The following ACRV1 variants were observed in gnomAD, a reference collection of about 807,000 sequenced individuals.
The protein encoded by ACRV1 is acrosomal protein SP-10.
ACRV1 carries 17 observed loss-of-function variants against 29.2 expected under a neutral mutation model. The ratio of observed to expected loss-of-function variants is 0.58; its 90% CI spans 0.40 to 0.87. The LOEUF (loss-of-function observed/expected upper bound fraction) is 0.87. ACRV1 is among the 40% of genes least tolerant of loss of function. The probability of loss-of-function intolerance (pLI) is 0.00; values close to 1 mark genes in which losing one functional copy is unlikely to be tolerated. For missense variants in ACRV1, 294 were observed against 316.0 expected, an observed-to-expected ratio of 0.93 and a Z score of 0.53; for synonymous variants, 98 against 111.6, an observed-to-expected ratio of 0.88 and a Z score of 0.77.
rs891659524 is a variant in ACRV1, at chr11:125,677,845, C to T, written c.505G>A (p.Ala169Thr). Residue 169 changes from alanine (A) to threonine (T), a missense_variant, in exon 2 of 4, where the codon GCT (alanine) becomes ACT (threonine). By Grantham distance (58) the Ala-to-Thr change is moderately conservative. Coordinates refer to ENST00000533904, the MANE Select transcript of ACRV1 (RefSeq NM_001612.6). ...ASGEQPSGEH[A>T]SGEQASGAPI... ...GCACCTGAAGCCTGTTCCCCTGAAGCGTGCTCACCTGAAGGCTGTTCACCC... is the reference window on the plus strand; with the variant it reads ...GCACCTGAAGCCTGTTCCCCTGAAGTGTGCTCACCTGAAGGCTGTTCACCC... 14 of 1,614,116 alleles carry T rather than the reference C, an allele frequency of 8.7e-6. No individual in the cohort carries two copies. The highest frequency in any genetic ancestry group is 1.2e-5 in the Non-Finnish European group (14 of 1,180,006).
rs1486476856 is a variant in ACRV1, at chr11:125,671,790, C to T, written c.*803G>A. ...TATTTGCAAAAAAGGATGATGCCATCTTTCCTGTCTACCACTCTGGGATCT... is the reference window on the plus strand; with the variant it reads ...TATTTGCAAAAAAGGATGATGCCATTTTTCCTGTCTACCACTCTGGGATCT... On this transcript the variant is annotated 3_prime_UTR_variant, in exon 4 of 4. Coordinates refer to ENST00000533904, the MANE Select transcript of ACRV1 (RefSeq NM_001612.6). 1 of 152,180 alleles carries T rather than the reference C, an allele frequency of 6.6e-6. No individual in the cohort carries two copies. The highest frequency in any genetic ancestry group is 2.4e-5 in the African/African-American group (1 of 41,448). The allele number at this position is 152,180 out of a possible 1,614,324, so 9.4% of individuals were successfully genotyped here.
At chr11:125,678,682 A>G (rs1261854827) in intron 1 of ACRV1, among the ~76,000 whole-genome samples, 6 of 151,910 alleles carry the variant, frequency 3.9e-5, no homozygotes, top group Non-Finnish European at 1.5e-5. Flanking sequence ...TTCGCCACCA[A>G]CCCTCCCATT....
chr11:125,676,255 A>G lies in ACRV1; in HGVS notation c.673+104T>C, dbSNP rs901425934. Reference sequence around the variant, plus strand: ...GAAAAAATAAAGTTCTGAATCTTCAAGTTCCTTGATTCTTTCCTGGGCCCC... The same window carrying G: ...GAAAAAATAAAGTTCTGAATCTTCAGGTTCCTTGATTCTTTCCTGGGCCCC... On this transcript the variant is annotated intron_variant, in intron 3 of 3. Coordinates refer to ENST00000533904, the MANE Select transcript of ACRV1 (RefSeq NM_001612.6). 3.5e-6 allele frequency: 5 copies of G among 1,408,778 alleles called. No individual in the cohort carries two copies. The African/African-American group carries it at 5.7e-5, about 16-fold the overall frequency. The allele number at this position is 1,408,778 out of a possible 1,614,324, so 87.3% of individuals were successfully genotyped here. A position where few individuals can be genotyped will look rare whatever the true frequency, so the allele number is the denominator to read the frequency against.
chr11:125,678,036 TC>T lies in ACRV1; in HGVS notation c.313del (p.Glu105LysfsTer6). 1.2e-6 allele frequency: 2 copies of T among 1,614,096 alleles called. No individual in the cohort carries two copies. Among genetic ancestry groups the T allele is most frequent in the Non-Finnish European group, 1.7e-6 (2 of 1,180,008 alleles). On this transcript the variant is annotated frameshift_variant, in exon 2 of 4. Coordinates refer to ENST00000533904, the MANE Select transcript of ACRV1 (RefSeq NM_001612.6). LOFTEE classifies it high-confidence loss of function. ...CTGCTCACCTACAGTATGCTCACCTTCAGCATGTTCAGTCGCAGCGGGCTCA... is the reference window on the plus strand; with the variant it reads ...CTGCTCACCTACAGTATGCTCACCTTAGCATGTTCAGTCGCAGCGGGCTCA... ...SGEPAATEHA[E>X]GEHTVGEQPS...
chr11:125,679,075 A>C (rs1942669101), intron 1 of ACRV1, among the ~76,000 whole-genome samples: 1 of 147,902 alleles, frequency 6.8e-6, no homozygotes, highest in African/African-American at 2.5e-5. Flanking sequence ...CTGAGTACTT[A>C]ATAAGATAAA....
rs755564336 is a variant in ACRV1 at position 125,680,798 on chromosome 11, G to GGGGA, written c.-22_-19dup. The GGGGA allele has an allele frequency of 3.1e-6, 5 of 1,611,808 alleles. No homozygotes were observed. The highest frequency in any genetic ancestry group is 4.2e-6 in the Non-Finnish European group (5 of 1,178,222). Reference sequence around the variant, plus strand: ...CTGTTCATCTGGATTTAGGAAAAGAGGGGACCCCAGTGTGGGCCACAGCTT... The same window carrying GGGGA: ...CTGTTCATCTGGATTTAGGAAAAGAGGGGAGGGACCCCAGTGTGGGCCACAGCTT... On this transcript the variant is annotated 5_prime_UTR_variant, in exon 1 of 4. Transcript: ENST00000533904.
chr11:125,673,595 A>G (rs1207095371), intron 3 of ACRV1, among the ~76,000 whole-genome samples: 1 of 152,084 alleles, frequency 6.6e-6, no homozygotes, highest in Non-Finnish European at 1.5e-5. Flanking sequence ...TGCTCTCCCA[A>G]GTTGAACTGT....
At chr11:125,678,458 A>G (rs1203861531) in intron 1 of ACRV1, among the ~76,000 whole-genome samples, 161 bp from the exon 2 acceptor site, 1 of 152,184 alleles carries the variant, frequency 6.6e-6, no homozygotes, top group Admixed American at 6.5e-5. Flanking sequence ...TCAACTAAGT[A>G]TCCCAAAAGG....
At chr11:125,680,442 C>A (rs202016255) in intron 1 of ACRV1, among the ~76,000 whole-genome samples, 1 of 152,194 alleles carries the variant, frequency 6.6e-6, no homozygotes, top group Non-Finnish European at 1.5e-5. Flanking sequence ...TTCTACAGAA[C>A]CCCTAAGCCT....
At chr11:125,677,034 C>T (rs532255294) in intron 2 of ACRV1, among the ~76,000 whole-genome samples, 53 of 152,244 alleles carry the variant, frequency 3.5e-4, no homozygotes, top group African/African-American at 8.4e-4. Flanking sequence ...ACTGCTAATC[C>T]CCCAGTTTGG....
intron 1 of ACRV1, 93 bp downstream of exon 1, chr11:125,680,636 G>T (rs1942753186): frequency 3.4e-6 from 4 of 1,175,308 alleles, no homozygotes; most frequent in Non-Finnish European, 5.0e-6. Context: ...ATTGGTTTGG[G>T]TGACTGAGAG....
Position 125,677,838 on chromosome 11 carries a change from C to T in ACRV1, c.512G>A (p.Gly171Glu). 1 of 1,614,126 alleles carries T rather than the reference C, an allele frequency of 6.2e-7. No individual in the cohort carries two copies. The highest frequency in any genetic ancestry group is 8.5e-7 in the Non-Finnish European group (1 of 1,180,016). ...AATTGGTGCACCTGAAGCCTGTTCC[C>T]CTGAAGCGTGCTCACCTGAAGGCTG... The part of the protein sequence containing the change: ...GEQPSGEHAS[G>E]EQASGAPISS... Residue 171 changes from glycine (G) to glutamate (E), a missense_variant, in exon 2 of 4, where the codon GGG becomes GAG. Transcript: ENST00000533904.
intron 1 of ACRV1, among the ~76,000 whole-genome samples, chr11:125,680,493 G>A (rs1847306731): frequency 6.6e-6 from 1 of 152,110 alleles, no homozygotes; most frequent in African/African-American, 2.4e-5. Context: ...AATGTTGAGT[G>A]GCTAAAATAA....
At chr11:125,680,129 A>G (rs184991560) in intron 1 of ACRV1, among the ~76,000 whole-genome samples, 26 of 152,354 alleles carry the variant, frequency 1.7e-4, no homozygotes, top group Admixed American at 1.4e-3. Context: ...AGTCGACATT[A>G]TAGAAAATAC....
intron 3 of ACRV1, among the ~76,000 whole-genome samples, chr11:125,673,282 G>C (rs559207915): frequency 1.3e-5 from 2 of 149,994 alleles, no homozygotes; most frequent in South Asian, 4.2e-4. Flanking sequence ...TCAGCTCACC[G>C]CAGCCTCCAC....
Position 125,674,079 on chromosome 11 carries a change from G to A in ACRV1, c.674-1362C>T, listed in dbSNP as rs180831973. Among the ~76,000 whole-genome samples, 185 of 152,206 alleles carry A rather than the reference G, an allele frequency of 1.2e-3. 2 individuals are homozygous for A. The highest frequency in any genetic ancestry group is 1.4e-3 in the Non-Finnish European group (93 of 68,008). On this transcript the variant is annotated intron_variant, in intron 3 of 3. Transcript: ENST00000533904. ...GGCAGGAGAATCGCTGGGGGGCAGAGGTTGCAGTGAGCTGAGATCGCGCCA... is the reference window on the plus strand; with the variant it reads ...GGCAGGAGAATCGCTGGGGGGCAGAAGTTGCAGTGAGCTGAGATCGCGCCA...
chr11:125,675,685 A>G (rs1942468675), intron 3 of ACRV1, among the ~76,000 whole-genome samples: 1 of 152,138 alleles, frequency 6.6e-6, no homozygotes, highest in African/African-American at 2.4e-5. Flanking sequence ...TCCATTCAAT[A>G]TTTACTAAAT....
At chr11:125,680,704 C>T (rs1942757646) in intron 1 of ACRV1, 25 bp downstream of exon 1, 1 of 1,607,256 alleles carries the variant, frequency 6.2e-7, no homozygotes, top group South Asian at 1.1e-5. Flanking sequence ...TTTGTATTTA[C>T]CTGAAGCCTA....
chr11:125,674,686 A>G (rs1310665329), intron 3 of ACRV1, among the ~76,000 whole-genome samples: 2 of 152,204 alleles, frequency 1.3e-5, no homozygotes, highest in Non-Finnish European at 2.9e-5. Context: ...ACCAACCTGG[A>G]TGGGCTACTG....
Sources: allele counts gnomAD v4.1 joint callset (sites outside exome capture counted in the v4.1 genomes callset), GRCh38; gene constraint gnomAD v4.1.1; transcripts MANE v1.5; gene names NCBI Gene and HGNC (gene_info 2026-07-23, HGNC 2026-07-21).